The following ANKRD26 variants were observed in gnomAD, a reference collection of about 807,000 sequenced individuals.
ANKRD26 encodes the protein ankyrin repeat domain 26.
ANKRD26 carries 141 observed loss-of-function variants against 208.7 expected under a neutral mutation model. That is an observed-to-expected ratio of 0.68 (90% CI 0.59 to 0.78). ANKRD26 has a LOEUF of 0.78. Among genes scored for constraint, ANKRD26 ranks in the 30% least tolerant of loss-of-function variants. ANKRD26 has a pLI of 0.00. For synonymous variants in ANKRD26, 636 were observed against 660.4 expected, an observed-to-expected ratio of 0.96 and a Z score of 0.57; for missense variants, 1,889 against 1,938.7, an observed-to-expected ratio of 0.97 and a Z score of 0.48.
intron 4 of ANKRD26, among the ~76,000 whole-genome samples, chr10:27,090,517 A>C (rs2056266340): frequency 6.7e-6 from 1 of 149,878 alleles, no homozygotes; most frequent in African/African-American, 2.4e-5. Context: ...TGTAGAATTA[A>C]CTATTTACAT....
intron 24 of ANKRD26, 144 bp from the exon 25 acceptor site, chr10:27,033,521 A>G: frequency 1.3e-6 from 1 of 798,236 alleles, no homozygotes; most frequent in East Asian, 2.9e-5. Flanking sequence ...TCTTGTCCTC[A>G]TATGTACACA....
At chr10:27,099,543 T>C (rs896053491) in intron 1 of ANKRD26, among the ~76,000 whole-genome samples, 1 of 130,740 alleles carries the variant, frequency 7.6e-6, no homozygotes, top group Non-Finnish European at 1.6e-5. Context: ...GCCTTCCAAG[T>C]AGCTGAGACT....
downstream of ANKRD26, among the ~76,000 whole-genome samples, chr10:26,989,537 G>T (rs1472452125): frequency 6.6e-6 from 1 of 152,136 alleles, no homozygotes; most frequent in Non-Finnish European, 1.5e-5. Context: ...CTACCAAGTG[G>T]GTCACATTTA....
intron 5 of ANKRD26, among the ~76,000 whole-genome samples, chr10:27,085,290 G>A (rs1278309980): frequency 3.3e-5 from 5 of 151,834 alleles, no homozygotes; most frequent in East Asian, 1.9e-4. Context: ...TAGTAGAGAC[G>A]GGGTTTCACC....
At chr10:27,037,004 T>C (rs1306387580) in intron 23 of ANKRD26, among the ~76,000 whole-genome samples, 182 bp downstream of exon 23, 1 of 152,160 alleles carries the variant, frequency 6.6e-6, no homozygotes, top group Admixed American at 6.5e-5. Flanking sequence ...CAAGTGGAGC[T>C]GAATTAAGAA....
chr10:27,051,650 A>AT, intron 16 of ANKRD26: 1 of 985,382 alleles, frequency 1.0e-6, no homozygotes. Flanking sequence ...ACTGGCAAGC[A>AT]TATTCTGGGG....
At chr10:27,002,440 C>T (rs542809181), downstream of ANKRD26, among the ~76,000 whole-genome samples, 2 of 152,276 alleles carry the variant, frequency 1.3e-5, no homozygotes, top group East Asian at 3.9e-4. Flanking sequence ...CCTCCTACAT[C>T]CCAAAGCTGG....
At chr10:27,059,326 G>C (rs1035287419) in intron 15 of ANKRD26, among the ~76,000 whole-genome samples, 1 of 152,148 alleles carries the variant, frequency 6.6e-6, no homozygotes, top group African/African-American at 2.4e-5. Flanking sequence ...GTCGATACGG[G>C]TAGATCTGAA....
chr10:27,035,651 A>AT lies in ANKRD26; in HGVS notation c.2798dup (p.Asn933LysfsTer12). The AT allele has an allele frequency of 6.3e-7, 1 of 1,589,776 alleles. No homozygotes were observed. The highest frequency in any genetic ancestry group is 2.2e-5 in the East Asian group (1 of 44,674). ...ATTTCTTTTCTTTTTCCTGGTTTTG[A>AT]TTTTTTATTGTGTCTATTTCTAGTC... On this transcript the variant is annotated frameshift_variant, in exon 24 of 34. Coordinates refer to ENST00000376087, the MANE Select transcript of ANKRD26 (RefSeq NM_014915.3). LOFTEE classifies it high-confidence loss of function.
chr10:27,039,101 A>G (rs2054141719), intron 21 of ANKRD26, among the ~76,000 whole-genome samples: 1 of 152,242 alleles, frequency 6.6e-6, no homozygotes. Flanking sequence ...GAGAGAGATC[A>G]CTTTCAGTAA....
At chr10:27,073,692 A>G (rs142192114) in intron 9 of ANKRD26, among the ~76,000 whole-genome samples, 1 of 152,322 alleles carries the variant, frequency 6.6e-6, no homozygotes, top group East Asian at 1.9e-4. Context: ...GAAATGTTCA[A>G]TCCAGTAAAT....
Position 27,048,935 on chromosome 10 carries a change from T to G in ANKRD26, c.1680A>C (p.Val560=), listed in dbSNP as rs1564389822. ...TAGCACCATCATGTATGTTTGCTGA[T>G]ACTTCCATTTCATTATTTCTGTGTT... ...RKKHRNNEME[V]SANIHDGATD... is the part of the protein sequence containing the mutation. The change falls in exon 17 of 34, where the codon GTA becomes GTC. Residue 560 remains valine (V), a synonymous_variant. Coordinates refer to ENST00000376087, the MANE Select transcript of ANKRD26 (RefSeq NM_014915.3). 1 of 1,610,358 alleles carries G rather than the reference T, an allele frequency of 6.2e-7. No individual in the cohort carries two copies. Among genetic ancestry groups the G allele is most frequent in the South Asian group, 1.1e-5 (1 of 90,540 alleles).
chr10:27,029,383 C>T (rs757551198), intron 25 of ANKRD26, 27 bp from the exon 26 acceptor site: 7 of 1,598,896 alleles, frequency 4.4e-6, no homozygotes, highest in Non-Finnish European at 6.0e-6. Flanking sequence ...AAAAAACCCA[C>T]TTTACTAATA....
the ANKRD26 span, among the ~76,000 whole-genome samples, chr10:26,955,547 GAGA>G: frequency 6.6e-6 from 1 of 152,148 alleles, no homozygotes; most frequent in African/African-American, 2.4e-5. Context: ...TTCCATGAGT[GAGA>G]AGATCTTTGA....
chr10:27,080,946 G>A (rs986895298), intron 6 of ANKRD26: 2 of 985,306 alleles, frequency 2.0e-6, no homozygotes, highest in African/African-American at 3.5e-5. Context: ...GGAGGCAGAG[G>A]TGAGGGGACA....
downstream of ANKRD26, among the ~76,000 whole-genome samples, chr10:26,973,534 T>C (rs1379630111): frequency 6.6e-6 from 1 of 151,856 alleles, no homozygotes; most frequent in South Asian, 2.1e-4. Context: ...TGATTTTGTT[T>C]TATAATTTAA....
the ANKRD26 span, among the ~76,000 whole-genome samples, chr10:26,960,427 G>A: frequency 6.6e-6 from 1 of 152,264 alleles, no homozygotes; most frequent in African/African-American, 2.4e-5. Flanking sequence ...GAAGGCACCA[G>A]GCTCATAAGA....
At chr10:26,992,489 CACACACACACACACACACAG>C (rs1391216465) in intron 5 of ANKRD26, among the ~76,000 whole-genome samples, 3 of 150,178 alleles carry the variant, frequency 2.0e-5, no homozygotes, top group Admixed American at 6.7e-5. Flanking sequence ...CACACACACA[CACACACACACACACACACAG>C]AGAGAAAAAG....
chr10:26,950,397 A>C, the ANKRD26 span, among the ~76,000 whole-genome samples: 1 of 151,056 alleles, frequency 6.6e-6, no homozygotes, highest in Non-Finnish European at 1.5e-5. Flanking sequence ...TAAATTATCC[A>C]GTCTCAGGTA....
Sources: allele counts gnomAD v4.1 joint callset (sites outside exome capture counted in the v4.1 genomes callset), GRCh38; gene constraint gnomAD v4.1.1; transcripts MANE v1.5; gene names NCBI Gene and HGNC (gene_info 2026-07-23, HGNC 2026-07-21).